Variants in AMOT observed in about 807,000 individuals in gnomAD.
AMOT encodes angiomotin.
In AMOT, 11 loss-of-function variants were observed where a neutral mutation model predicts 67.0. The ratio of observed to expected loss-of-function variants is 0.16; its 90% confidence interval spans 0.10 to 0.27. The LOEUF is 0.27. Ranked by LOEUF, AMOT falls within the 10% of genes least tolerant of loss-of-function variation. The pLI is 1.00. For synonymous variants in AMOT, 326 were observed against 321.4 expected, an observed-to-expected ratio of 1.01 and a Z score of -0.15; for missense variants, 753 against 852.0, an observed-to-expected ratio of 0.88 and a Z score of 1.45.
intron 8 of AMOT, among the ~76,000 whole-genome samples, chrX:112,799,822 A>G (rs1322824642): frequency 1.8e-5 from 2 of 112,501 alleles, no homozygotes; most frequent in Non-Finnish European, 3.7e-5. Context: ...AGGAATTCCA[A>G]AAGCCAAAAT....
chrX:112,834,395 T>C (rs1430763576), intron 1 of AMOT, among the ~76,000 whole-genome samples: 1 of 111,368 alleles, frequency 9.0e-6, no homozygotes, highest in South Asian at 3.8e-4. Context: ...GGGGTATATA[T>C]AAGGGGAAAA....
Position 112,781,016 on chromosome X carries a change from G to A in AMOT, c.2343C>T (p.Cys781=). The A allele has an allele frequency of 4.1e-6, 5 of 1,212,111 alleles. No homozygotes were observed. Among genetic ancestry groups the A allele is most frequent in the Non-Finnish European group, 5.6e-6 (5 of 895,589 alleles). ...KEPSKTEQLS[C]MRPAKSLMSI... is the part of the protein sequence containing the mutation. ...ACATCAGAGACTTCGCTGGCCGCAT[G>A]CACGACAGCTGCTCTGTCTTGCTCG... The change falls in exon 12 of 14, where the codon TGC becomes TGT. Residue 781 remains cysteine, a synonymous_variant. Coordinates refer to ENST00000371959, the MANE Select transcript of AMOT (RefSeq NM_001113490.2).
At chrX:112,837,019 C>T (rs1448548394) in intron 1 of AMOT, among the ~76,000 whole-genome samples, 5 of 111,176 alleles carry the variant, frequency 4.5e-5, no homozygotes, top group Non-Finnish European at 7.5e-5. Context: ...TGGCATCAGT[C>T]GCCATTATTT....
intron 8 of AMOT, among the ~76,000 whole-genome samples, chrX:112,801,237 T>G (rs1934006336): frequency 9.0e-6 from 1 of 111,380 alleles, no homozygotes; most frequent in African/African-American, 3.3e-5. Context: ...GTGGGGAGGC[T>G]GTCTTTGAAT....
intron 1 of AMOT, among the ~76,000 whole-genome samples, chrX:112,834,455 G>C (rs76627603): frequency 1.8e-5 from 2 of 111,729 alleles, no homozygotes; most frequent in East Asian, 2.8e-4. Context: ...CACAGTTATT[G>C]TGATCTGATG....
chrX:112,830,299 TAAC>T (rs1411681584), intron 2 of AMOT, among the ~76,000 whole-genome samples: 1 of 112,266 alleles, frequency 8.9e-6, no homozygotes, highest in African/African-American at 3.2e-5. Flanking sequence ...CATAACTTCA[TAAC>T]ATCGTAATGG....
chrX:112,815,797 C>G lies in AMOT; in HGVS notation c.953G>C (p.Gly318Ala). The G allele has an allele frequency of 8.6e-7, 1 of 1,167,076 alleles. No individual in the cohort carries two copies. The highest frequency in any genetic ancestry group is 1.1e-6 in the Non-Finnish European group (1 of 872,915). ...TGGAGATTGTAGCAAGGGCAAGGAC[C>G]CCCCAGAGGTCAGAGAAGAAGTAGG... ...HSPTSSLTSG[G>A]SLPLLQSPPS... The change falls in exon 5 of 14, where the codon GGG (glycine) becomes GCG (alanine). Residue 318 changes from glycine to alanine, a missense_variant. This residue lies in a region of AMOT where 297 missense variants were observed against 284.3 expected (regional missense o/e 1.04). Coordinates refer to ENST00000371959, the MANE Select transcript of AMOT (RefSeq NM_001113490.2).
At chrX:112,831,678 G>C (rs941981240) in intron 2 of AMOT, among the ~76,000 whole-genome samples, 2 of 110,020 alleles carry the variant, frequency 1.8e-5, no homozygotes, top group Non-Finnish European at 3.8e-5. Flanking sequence ...GACATGGAGT[G>C]TGATGACCAA....
In AMOT at chrX:112,778,672, G is replaced by C. The variant is rs1226892007; in HGVS notation, c.3158-8C>G. The C allele has an allele frequency of 8.5e-7, 1 of 1,174,440 alleles. No homozygotes were observed. The highest frequency in any genetic ancestry group is 1.8e-5 in the African/African-American group (1 of 56,944). ...AGTGGAACACAGGCCCATCTAAATG[G>C]AAATAAGGGTTAGAAAACACTTAGG... On this transcript the variant is annotated splice_polypyrimidine_tract_variant and splice_region_variant and intron_variant, in intron 13 of 13. Coordinates refer to ENST00000371959, the MANE Select transcript of AMOT (RefSeq NM_001113490.2).
At chrX:112,790,314 G>C (rs182718277) in intron 10 of AMOT, among the ~76,000 whole-genome samples, 1 of 109,654 alleles carries the variant, frequency 9.1e-6, no homozygotes, top group Non-Finnish European at 1.9e-5. Context: ...GGAAGGAGGG[G>C]TGCAAATTTT....
At chrX:112,806,353 TA>T (rs1199850816) in intron 7 of AMOT, among the ~76,000 whole-genome samples, 2 of 99,568 alleles carry the variant, frequency 2.0e-5, no homozygotes, top group Non-Finnish European at 4.0e-5. Flanking sequence ...TACATATGTA[TA>T]AAACGTGTGT....
At chrX:112,803,180 T>G (rs1182101239) in intron 8 of AMOT, among the ~76,000 whole-genome samples, 1 of 111,764 alleles carries the variant, frequency 8.9e-6, no homozygotes, top group African/African-American at 3.2e-5. Context: ...CATTTTCTTT[T>G]TGGGAGGTGA....
Position 112,809,911 on chromosome X carries a change from G to A in AMOT, c.1613C>T (p.Ser538Leu), listed in dbSNP as rs768294379. 17 of 1,211,196 alleles carry A rather than the reference G, an allele frequency of 1.4e-5. No individual in the cohort carries two copies. The highest frequency in any genetic ancestry group is 3.0e-5 in the East Asian group (1 of 33,844). The change falls in exon 7 of 14, where the codon TCG (serine) becomes TTG (leucine). Residue 538 changes from serine (S) to leucine (L), a missense_variant. Ser to Leu is a moderately radical substitution (Grantham distance 145). Coordinates refer to ENST00000371959, the MANE Select transcript of AMOT (RefSeq NM_001113490.2). ...AGACTTACTTTTTGCAAAGAGCTGC[G>A]AGATGGTTTTTCTGGTGTCCTCTGA... ...EGSEDTRKTI[S>L]QLFAKNKESQ...
chrX:112,795,247 T>A (rs752231078), intron 8 of AMOT, among the ~76,000 whole-genome samples: 27 of 96,565 alleles, frequency 2.8e-4, no homozygotes, highest in Non-Finnish European at 5.1e-4. Context: ...TGTCTCTCTC[T>A]CTGTGTGTGT....
chrX:112,809,417 A>G (rs1001866079), intron 7 of AMOT, among the ~76,000 whole-genome samples: 3 of 111,104 alleles, frequency 2.7e-5, no homozygotes, highest in African/African-American at 9.8e-5. Flanking sequence ...TCACTAGTTC[A>G]GGCCATAGGA....
At chrX:112,821,987 GA>G (rs1189794024) in intron 4 of AMOT, among the ~76,000 whole-genome samples, 2 of 112,418 alleles carry the variant, frequency 1.8e-5, no homozygotes, top group Non-Finnish European at 3.8e-5. Context: ...AATAGCTGCT[GA>G]AAACAAGACT....
rs573477704 is a variant in AMOT, at chrX:112,826,861, T to C, written c.-211-1641A>G. Among the ~76,000 whole-genome samples the C allele has an allele frequency of 6.5e-4, 73 of 111,986 alleles. No homozygotes were observed. The South Asian group carries it at 0.017, about 26-fold the overall frequency. On this transcript the variant is annotated intron_variant, in intron 2 of 13. Coordinates refer to ENST00000371959, the MANE Select transcript of AMOT (RefSeq NM_001113490.2). Reference sequence around the variant, plus strand: ...CTGTCCTCTGTATCCTTTTCTTATTTATTTATCTATTTTTGAGATGGAGTC... The same window carrying C: ...CTGTCCTCTGTATCCTTTTCTTATTCATTTATCTATTTTTGAGATGGAGTC...
rs149397566 is a variant in AMOT at position 112,815,421 on chromosome X, G to A, written c.1329C>T (p.Asp443=). The A allele has an allele frequency of 1.6e-4, 195 of 1,210,004 alleles. 1 individual carries two copies. Among genetic ancestry groups the A allele is most frequent in the Middle Eastern group, 1.1e-3 (5 of 4,351 alleles). Residue 443 remains aspartate, a synonymous_variant, in exon 5 of 14, where the codon GAC becomes GAT. Transcript: ENST00000371959. ...RAQQMVEILS[D]ENRNLRQELE... ...ACTCTTGCCTCAAGTTCCGGTTCTC[G>A]TCTGAGAGGATCTCAACCATCTGCT...
Position 112,811,254 on chromosome X carries a change from A to T in AMOT, c.1532T>A (p.Leu511Gln). ...AAGTCTGTTGGTTCCCTCACCTCTCAGATCCCTGTTGAAATCATGCATCCT... is the reference window on the plus strand; with the variant it reads ...AAGTCTGTTGGTTCCCTCACCTCTCTGATCCCTGTTGAAATCATGCATCCT... Reference protein sequence around the residue: ...IRRMHDFNRDLRERLETANKQ... With the variant: ...IRRMHDFNRDQRERLETANKQ... Residue 511 changes from leucine to glutamine, a missense_variant, in exon 6 of 14, where the codon CTG (leucine) becomes CAG (glutamine). This residue lies in a region of AMOT where 297 missense variants were observed against 284.3 expected (regional missense o/e 1.04). Coordinates refer to ENST00000371959, the MANE Select transcript of AMOT (RefSeq NM_001113490.2). 8.3e-7 allele frequency: 1 copy of T among 1,210,986 alleles called. No individual in the cohort carries two copies. The highest frequency in any genetic ancestry group is 1.7e-5 in the African/African-American group (1 of 57,722).
Sources: allele counts gnomAD v4.1 joint callset (sites outside exome capture counted in the v4.1 genomes callset), GRCh38; gene constraint gnomAD v4.1.1; regional missense constraint gnomAD v4.1.1; transcripts MANE v1.5; gene names NCBI Gene and HGNC (gene_info 2026-07-23, HGNC 2026-07-21).